The following TRANK1 variants were observed in gnomAD, a reference collection of about 807,000 sequenced individuals.
TRANK1 encodes the protein tetratricopeptide repeat and ankyrin repeat containing 1.
A neutral mutation model predicts 266.0 loss-of-function variants in TRANK1; 198 were observed. That is an observed-to-expected ratio of 0.74 (90% CI 0.66 to 0.84). TRANK1 has a LOEUF of 0.84. Among genes scored for constraint, TRANK1 ranks in the 40% least tolerant of loss-of-function variants. The pLI is 0.00. For missense variants in TRANK1, 3,326 were observed against 3,634.6 expected (o/e 0.92, Z 2.18); for synonymous variants, 1,396 against 1,384.1 (o/e 1.01, Z -0.19).
rs1490162496 is a variant in TRANK1, at chr3:36,880,083, TA to T, written c.908-5788del. On this transcript the variant is annotated intron_variant, in intron 8 of 23. Coordinates refer to ENST00000645898, the MANE Select transcript of TRANK1 (RefSeq NM_001329998.2). ...ATATATGTAAACATGCAAATATATA[TA>T]AACATATATAAATATATATAAACAT... 1.1e-4 allele frequency: 13 copies of T among 114,390 alleles called. 1 individual carries two copies. Among genetic ancestry groups the T allele is most frequent in the Non-Finnish European group, 2.3e-4 (13 of 57,278 alleles). 7.1% of individuals were successfully genotyped at this position (114,390 alleles called of 1,614,324 possible).
chr3:36,833,850 G>A lies in TRANK1; in HGVS notation c.5733C>T (p.Tyr1911=), dbSNP rs2078732542. The change falls in exon 22 of 24, where the codon TAC becomes TAT. Residue 1911 remains tyrosine (Y), a synonymous_variant. Coordinates refer to ENST00000645898, the MANE Select transcript of TRANK1 (RefSeq NM_001329998.2). ...SKLSYSASQF[Y]LEAAAKYLSA... ...TCAGATACTTTGCTGCAGCTTCCAAGTAAAACTGACTGGCAGAATAGGAGA... is the reference window on the plus strand; with the variant it reads ...TCAGATACTTTGCTGCAGCTTCCAAATAAAACTGACTGGCAGAATAGGAGA... The A allele has an allele frequency of 6.2e-7, 1 of 1,613,868 alleles. No individual in the cohort carries two copies. Among genetic ancestry groups the A allele is most frequent in the Admixed American group, 1.7e-5 (1 of 59,998 alleles).
chr3:36,839,169 G>T (rs1465752555), intron 18 of TRANK1, among the ~76,000 whole-genome samples: 2 of 152,224 alleles, frequency 1.3e-5, no homozygotes, highest in African/African-American at 4.8e-5. Context: ...TGGAGTACAC[G>T]TACTGGAGGT....
intron 3 of TRANK1, among the ~76,000 whole-genome samples, chr3:36,902,934 A>C (rs188339588): frequency 1.4e-4 from 21 of 152,346 alleles, no homozygotes; most frequent in African/African-American, 5.1e-4. Context: ...CACATGCCCC[A>C]TGGGCATCTG....
chr3:36,831,670 C>T lies in TRANK1; in HGVS notation c.7913G>A (p.Arg2638Gln), dbSNP rs374703315. ...AEALQDLLFE[R>Q]DEEYLMDCDW... is the part of the protein sequence containing the mutation. ...ACAGTCCATTAGGTACTCTTCATCC[C>T]GCTCAAAGAGCAGGTCCTGCAGTGC... Residue 2638 changes from arginine (R) to glutamine (Q), a missense_variant, in exon 22 of 24, where the codon CGG (arginine) becomes CAG (glutamine). Physicochemically the swap from Arg to Gln is conservative, Grantham distance 43. Transcript: ENST00000645898. This position sits in a 1 kb window ranked among gnomAD's most constrained non-coding sequence, Gnocchi z 5.0. 51 of 1,613,970 alleles carry T rather than the reference C, an allele frequency of 3.2e-5. No individual in the cohort carries two copies. The Middle Eastern group carries it at 6.6e-4, about 21-fold the overall frequency.
intron 1 of TRANK1, among the ~76,000 whole-genome samples, chr3:36,919,068 C>A (rs937944724): frequency 2.6e-5 from 4 of 152,188 alleles, no homozygotes; most frequent in African/African-American, 9.7e-5. Flanking sequence ...CATACAGCAA[C>A]AATTACTGTG....
intron 1 of TRANK1, among the ~76,000 whole-genome samples, chr3:36,910,264 A>C (rs1051460482): frequency 2.0e-5 from 3 of 152,272 alleles, no homozygotes; most frequent in Non-Finnish European, 4.4e-5. Flanking sequence ...AATTAAAAGA[A>C]TGACACGAAA....
intron 1 of TRANK1, among the ~76,000 whole-genome samples, chr3:36,912,575 T>C (rs1287757849): frequency 2.0e-5 from 3 of 152,232 alleles, no homozygotes; most frequent in Non-Finnish European, 4.4e-5. Context: ...TGTTGGAAGC[T>C]GTCACAGGCT....
rs932690592 is a variant in TRANK1, at chr3:36,857,332, G to A, written c.2390C>T (p.Ala797Val). The change falls in exon 13 of 24, where the codon GCC becomes GTC. Residue 797 changes from alanine (A) to valine (V), a missense_variant. Physicochemically the swap from Ala to Val is moderately conservative, Grantham distance 64. Coordinates refer to ENST00000645898, the MANE Select transcript of TRANK1 (RefSeq NM_001329998.2). This position sits in a 1 kb window ranked among gnomAD's most constrained non-coding sequence, Gnocchi z 4.3. ...GEGHAQVGLG[A>V]LQLVPDDNRG... is the part of the protein sequence containing the mutation. Reference sequence around the variant, plus strand: ...GTTATCATCAGGCACAAGCTGCAAGGCCCCAAGGCCCACCTGAGCATGTCC... The same window carrying A: ...GTTATCATCAGGCACAAGCTGCAAGACCCCAAGGCCCACCTGAGCATGTCC... 9 of 1,607,702 alleles carry A rather than the reference G, an allele frequency of 5.6e-6. No individual in the cohort carries two copies. Among genetic ancestry groups the A allele is most frequent in the Non-Finnish European group, 7.6e-6 (9 of 1,177,148 alleles).
intron 8 of TRANK1, among the ~76,000 whole-genome samples, chr3:36,881,561 C>A (rs1052519926): frequency 6.6e-6 from 1 of 151,380 alleles, no homozygotes; most frequent in South Asian, 2.1e-4. Context: ...TACAGTAAGC[C>A]GAGATCACAT....
At chr3:36,916,165 T>C (rs766043818) in intron 1 of TRANK1, among the ~76,000 whole-genome samples, 21 of 152,218 alleles carry the variant, frequency 1.4e-4, no homozygotes, top group Non-Finnish European at 2.6e-4. Flanking sequence ...GAACTGAATT[T>C]CAAATCTAAC....
In TRANK1 at chr3:36,831,526, T is replaced by C; in HGVS notation, c.8057A>G (p.Glu2686Gly). ...CATCTCATCCTGGCCAAACTCACAC[T>C]CAGGTTCAGCAAAGTAGTCCACAGG... is the stretch of plus-strand genomic sequence containing the variant. Reference protein sequence around the residue: ...LDPVDYFAEPECEFGQDEMDE... With the variant: ...LDPVDYFAEPGCEFGQDEMDE... The change falls in exon 22 of 24, where the codon GAG (glutamate) becomes GGG (glycine). Residue 2686 changes from glutamate to glycine, a missense_variant. Glu to Gly is a moderately conservative substitution (Grantham distance 98). Transcript: ENST00000645898. This position sits in a 1 kb window ranked among gnomAD's most constrained non-coding sequence, Gnocchi z 5.0. 1 of 1,613,398 alleles carries C rather than the reference T, an allele frequency of 6.2e-7. No homozygotes were observed. Among genetic ancestry groups the C allele is most frequent in the Non-Finnish European group, 8.5e-7 (1 of 1,179,658 alleles).
At position 36,833,885 on chromosome 3, in the gene TRANK1, T is replaced by A. The variant is rs759133954; in HGVS notation, c.5698A>T (p.Ile1900Phe). 1.1e-5 allele frequency: 17 copies of A among 1,613,244 alleles called. No homozygotes were observed. Among genetic ancestry groups the A allele is most frequent in the Non-Finnish European group, 4.2e-6 (5 of 1,179,814 alleles). The change falls in exon 22 of 24, where the codon ATT becomes TTT. Residue 1900 changes from isoleucine to phenylalanine, a missense_variant. Transcript: ENST00000645898. Reference protein sequence around the residue: ...EEMLKTKTLPISKLSYSASQF... With the variant: ...EEMLKTKTLPFSKLSYSASQF... The stretch of plus-strand genomic sequence containing the variant: ...CTGGCAGAATAGGAGAGCTTGGAAA[T>A]GGGAAGGGTCTTAGTCTTTAGCATT...
Position 36,829,565 on chromosome 3 carries a change from T to C in TRANK1, c.8808A>G (p.Glu2936=), listed in dbSNP as rs1388913601. 1.2e-6 allele frequency: 2 copies of C among 1,613,842 alleles called. No homozygotes were observed. Among genetic ancestry groups the C allele is most frequent in the East Asian group, 4.5e-5 (2 of 44,898 alleles). The part of the protein sequence containing the change: ...LMKTETRLKK[E]GIVQEDDYEN... ...GTCCCCACAATCAAGACTCCTTACC[T>C]TCCTTCTTTAAGCGGGTCTCTGTTT... Residue 2936 remains glutamate (E), a splice_region_variant and synonymous_variant, in exon 23 of 24, where the codon GAA becomes GAG. Coordinates refer to ENST00000645898, the MANE Select transcript of TRANK1 (RefSeq NM_001329998.2).
intron 10 of TRANK1, among the ~76,000 whole-genome samples, chr3:36,862,783 T>C (rs898941871): frequency 8.5e-5 from 13 of 152,074 alleles, no homozygotes; most frequent in African/African-American, 1.9e-4. Flanking sequence ...GAGTCTGAGA[T>C]GGAAGCCAAC....
intron 8 of TRANK1, among the ~76,000 whole-genome samples, chr3:36,887,296 A>G (rs1381374681): frequency 6.6e-6 from 1 of 152,186 alleles, no homozygotes; most frequent in Non-Finnish European, 1.5e-5. Context: ...ATGTCCAGAA[A>G]TGTTGCAAGC....
intron 8 of TRANK1, among the ~76,000 whole-genome samples, chr3:36,876,917 T>G (rs938233787): frequency 6.6e-6 from 1 of 152,222 alleles, no homozygotes; most frequent in African/African-American, 2.4e-5. Flanking sequence ...CGGGTTCTGC[T>G]GCTGCCCAGC....
chr3:36,872,499 T>A (rs1215969043), intron 9 of TRANK1, among the ~76,000 whole-genome samples: 3 of 152,186 alleles, frequency 2.0e-5, no homozygotes, highest in Admixed American at 6.5e-5. Context: ...TTTGCTTTTT[T>A]AAATGCAATT....
intron 22 of TRANK1, 118 bp from the exon 23 acceptor site, chr3:36,829,780 A>G: frequency 1.9e-6 from 2 of 1,067,256 alleles, no homozygotes; most frequent in Non-Finnish European, 2.8e-6. Flanking sequence ...TTCCCTGAAA[A>G]GAGCCCTCCT....
chr3:36,943,690 A>G (rs1260437121), intron 1 of TRANK1, among the ~76,000 whole-genome samples: 2 of 151,178 alleles, frequency 1.3e-5, no homozygotes, highest in Non-Finnish European at 1.5e-5. Flanking sequence ...TAACAGCCTT[A>G]TATCAAAAAG....
Sources: allele counts gnomAD v4.1 joint callset (sites outside exome capture counted in the v4.1 genomes callset), GRCh38; gene constraint gnomAD v4.1.1; non-coding constraint Gnocchi (gnomAD v3.1); transcripts MANE v1.5; gene names NCBI Gene and HGNC (gene_info 2026-07-23, HGNC 2026-07-21).